The following UST variants were observed in gnomAD, a reference collection of about 807,000 sequenced individuals.
UST encodes chondroitin sulfate 2-O-sulfotransferase.
In UST, 21 loss-of-function variants were observed where a neutral mutation model predicts 45.6. That is an observed-to-expected ratio of 0.46 (90% CI 0.33 to 0.66). The LOEUF (loss-of-function observed/expected upper bound fraction) is 0.66. Among genes scored for constraint, UST ranks in the 30% least tolerant of loss-of-function variants. UST has a pLI of 0.02. For synonymous variants in UST, 215 were observed against 200.6 expected, an observed-to-expected ratio of 1.07 and a Z score of -0.61; for missense variants, 463 against 512.4, an observed-to-expected ratio of 0.90 and a Z score of 0.93.
intron 6 of UST, among the ~76,000 whole-genome samples, chr6:149,020,517 A>C (rs1188607447): frequency 6.6e-6 from 1 of 152,216 alleles, no homozygotes; most frequent in Admixed American, 6.5e-5. Flanking sequence ...GAGGTGACTC[A>C]TGACACCACA....
At chr6:148,751,836 C>T (rs1290701076) in intron 1 of UST, among the ~76,000 whole-genome samples, 1 of 152,166 alleles carries the variant, frequency 6.6e-6, no homozygotes, top group Non-Finnish European at 1.5e-5. Context: ...ATGATGCAGC[C>T]TTGCTGCCAG....
intron 7 of UST, among the ~76,000 whole-genome samples, chr6:149,055,382 A>AATTTC (rs1776547734): frequency 6.6e-6 from 1 of 152,166 alleles, no homozygotes; most frequent in South Asian, 2.1e-4. Flanking sequence ...AACATTATGA[A>AATTTC]ATTTCATTTC....
intron 2 of UST, among the ~76,000 whole-genome samples, chr6:148,916,636 T>C (rs918851261): frequency 3.7e-4 from 57 of 152,216 alleles, no homozygotes; most frequent in Middle Eastern, 3.2e-3. Context: ...CGCTCCTTCA[T>C]GTCCTCCACT....
At chr6:149,035,625 G>T (rs1776229874) in intron 7 of UST, among the ~76,000 whole-genome samples, 1 of 152,098 alleles carries the variant, frequency 6.6e-6, no homozygotes, top group South Asian at 2.1e-4. Context: ...GGGTGTGGGG[G>T]TGTACAGTCA....
At chr6:149,055,152 CATA>C (rs2115038435) in intron 7 of UST, among the ~76,000 whole-genome samples, 1 of 152,200 alleles carries the variant, frequency 6.6e-6, no homozygotes. Context: ...ACTAGAAAGT[CATA>C]AATCAACCAG....
intron 1 of UST, among the ~76,000 whole-genome samples, chr6:148,815,439 C>G (rs770586818): frequency 2.0e-5 from 3 of 152,018 alleles, no homozygotes; most frequent in Non-Finnish European, 4.4e-5. Flanking sequence ...GTGGAGGTGA[C>G]AAGTGAACCC....
Position 148,747,696 on chromosome 6 carries a change from C to G in UST, c.247+19C>G. On this transcript the variant is annotated intron_variant, in intron 1 of 7. Coordinates refer to ENST00000367463, the MANE Select transcript of UST (RefSeq NM_005715.3). The stretch of plus-strand genomic sequence containing the variant: ...TACTTGGGTAAGGAAGCTGGGCAGG[C>G]GCTAGGGCGGCGCCGACAGCGCAAA... 1.3e-6 allele frequency: 2 copies of G among 1,571,956 alleles called. No homozygotes were observed. Among genetic ancestry groups the G allele is most frequent in the Non-Finnish European group, 1.7e-6 (2 of 1,160,992 alleles).
chr6:148,789,459 A>T (rs564126601), intron 1 of UST, among the ~76,000 whole-genome samples: 5,907 of 127,052 alleles, frequency 0.046, 132 homozygotes, highest in African/African-American at 0.085. Flanking sequence ...TCTCTCACAC[A>T]CACACACACA....
chr6:148,871,445 T>C (rs1381087491), intron 1 of UST, among the ~76,000 whole-genome samples: 2 of 152,174 alleles, frequency 1.3e-5, no homozygotes, highest in African/African-American at 4.8e-5. Flanking sequence ...CTGCCTCTGA[T>C]TTCTACCCGT....
chr6:149,048,534 CAAA>C (rs11333695), intron 7 of UST, among the ~76,000 whole-genome samples: 12 of 129,548 alleles, frequency 9.3e-5, no homozygotes, highest in Non-Finnish European at 8.4e-5. Flanking sequence ...AGACTGTCTC[CAAA>C]AAAAAAAAAA....
At chr6:148,924,565 T>G (rs564203317) in intron 2 of UST, among the ~76,000 whole-genome samples, 21 of 152,290 alleles carry the variant, frequency 1.4e-4, no homozygotes, top group African/African-American at 5.1e-4. Context: ...GCACTTGGCT[T>G]TGGCTGTCCT....
In UST at chr6:149,056,537, T is replaced by C. The variant is rs542808538; in HGVS notation, c.938-17296T>C. ...AAAACAAATGGGCCTCCTATACAAATGGGAAGGTTGCAGTTTCATCTCATT... is the reference window on the plus strand; with the variant it reads ...AAAACAAATGGGCCTCCTATACAAACGGGAAGGTTGCAGTTTCATCTCATT... On this transcript the variant is annotated intron_variant, in intron 7 of 7. Coordinates refer to ENST00000367463, the MANE Select transcript of UST (RefSeq NM_005715.3). 9.8e-5 allele frequency among the ~76,000 whole-genome samples: 15 copies of C among 152,336 alleles called. No individual in the cohort carries two copies. The South Asian group carries it at 2.9e-3, about 29-fold the overall frequency.
intron 2 of UST, among the ~76,000 whole-genome samples, chr6:148,910,679 T>C (rs1458350369): frequency 6.6e-6 from 1 of 152,208 alleles, no homozygotes; most frequent in East Asian, 1.9e-4. Context: ...TATATTTATA[T>C]ATGTATGTTT....
chr6:149,011,332 G>A (rs948499548), intron 5 of UST, among the ~76,000 whole-genome samples: 14 of 152,168 alleles, frequency 9.2e-5, no homozygotes, highest in African/African-American at 3.1e-4. Flanking sequence ...TGGCAGTGGC[G>A]GGGAGAAGTG....
chr6:148,807,824 A>C (rs1411769518), intron 1 of UST, among the ~76,000 whole-genome samples: 1 of 152,186 alleles, frequency 6.6e-6, no homozygotes, highest in Non-Finnish European at 1.5e-5. Flanking sequence ...CTTGTGATAT[A>C]ACAAGATGTC....
intron 7 of UST, among the ~76,000 whole-genome samples, chr6:149,025,856 CA>C (rs1257304971): frequency 6.2e-5 from 9 of 146,004 alleles, no homozygotes; most frequent in Admixed American, 1.4e-4. Flanking sequence ...ACTAAAAATA[CA>C]AAAAAAAAAG....
intron 2 of UST, among the ~76,000 whole-genome samples, chr6:148,917,048 G>T (rs1204761199): frequency 1.3e-5 from 2 of 152,202 alleles, no homozygotes; most frequent in African/African-American, 4.8e-5. Context: ...GCAAAGAGGA[G>T]AAAGGAGTGA....
At chr6:149,055,308 A>C (rs1776546707) in intron 7 of UST, among the ~76,000 whole-genome samples, 1 of 152,234 alleles carries the variant, frequency 6.6e-6, no homozygotes, top group South Asian at 2.1e-4. Flanking sequence ...ATTTTAAAAA[A>C]TACAGTATGG....
At chr6:148,918,747 A>T (rs1779640162) in intron 2 of UST, among the ~76,000 whole-genome samples, 1 of 152,310 alleles carries the variant, frequency 6.6e-6, no homozygotes. Flanking sequence ...ATTTGAACTC[A>T]GTCCTAGCAC....
Sources: allele counts gnomAD v4.1 joint callset (sites outside exome capture counted in the v4.1 genomes callset), GRCh38; gene constraint gnomAD v4.1.1; transcripts MANE v1.5; gene names NCBI Gene and HGNC (gene_info 2026-07-23, HGNC 2026-07-21).